The following GALNT16 variants were observed in gnomAD, a reference collection of about 807,000 sequenced individuals.
GALNT16 encodes the protein polypeptide N-acetylgalactosaminyltransferase 16, also known as UDP-GalNAc:polypeptide N-acetylgalactosaminyltransferase-like protein 1.
A neutral mutation model predicts 76.1 loss-of-function variants in GALNT16; 40 were observed. That is an observed-to-expected ratio of 0.53 (90% CI 0.41 to 0.68). GALNT16 has a LOEUF of 0.68. Ranked by LOEUF, GALNT16 falls within the 30% of genes least tolerant of loss-of-function variation. The pLI, the probability that GALNT16 is intolerant of heterozygous loss-of-function variation, is 0.00. For missense variants in GALNT16, 621 were observed against 731.9 expected (o/e 0.85, Z 1.75); for synonymous variants, 276 against 285.2 (o/e 0.97, Z 0.32).
At chr14:69,269,208 C>T (rs560862176) in intron 1 of GALNT16, among the ~76,000 whole-genome samples, 2 of 152,020 alleles carry the variant, frequency 1.3e-5, no homozygotes, top group East Asian at 1.9e-4. Flanking sequence ...AGTGTAGGTT[C>T]GTTGGAAAAT....
chr14:69,346,919 C>T (rs945639237), intron 12 of GALNT16, 121 bp from the exon 13 acceptor site: 23 of 1,199,802 alleles, frequency 1.9e-5, no homozygotes, highest in South Asian at 2.6e-5. Context: ...AGGCTGCTCC[C>T]GGGCCCCTTC....
downstream of GALNT16, chr14:69,357,542 G>C (rs2045701775): frequency 6.6e-6 from 1 of 152,208 alleles, no homozygotes; most frequent in South Asian, 2.1e-4. Flanking sequence ...TCCAGGGCTC[G>C]GTATTCTTCC....
At chr14:69,325,793 A>G (rs1382254874) in intron 4 of GALNT16, among the ~76,000 whole-genome samples, 169 bp from the exon 5 acceptor site, 1 of 152,138 alleles carries the variant, frequency 6.6e-6, no homozygotes, top group African/African-American at 2.4e-5. Flanking sequence ...GTCTGGCCTG[A>G]GAGTGGGGCA....
intron 12 of GALNT16, among the ~76,000 whole-genome samples, chr14:69,343,552 T>A (rs1034704305): frequency 6.6e-6 from 1 of 152,246 alleles, no homozygotes; most frequent in African/African-American, 2.4e-5. Context: ...CATTAATTTA[T>A]GAAAATGCAA....
At chr14:69,350,811 A>G (rs1193858111) in intron 14 of GALNT16, 1 of 152,324 alleles carries the variant, frequency 6.6e-6, no homozygotes, top group Non-Finnish European at 1.5e-5. Flanking sequence ...AAGATGGAAG[A>G]GGGGAGGTGG....
chr14:69,307,295 T>A (rs1054017557), intron 1 of GALNT16, among the ~76,000 whole-genome samples: 15 of 152,226 alleles, frequency 9.9e-5, no homozygotes, highest in African/African-American at 3.1e-4. Context: ...GAGCAGCTAC[T>A]GTGTGCCAAG....
At chr14:69,301,022 G>A (rs577233965) in intron 1 of GALNT16, among the ~76,000 whole-genome samples, 54 of 152,320 alleles carry the variant, frequency 3.5e-4, no homozygotes, top group African/African-American at 1.3e-3. Flanking sequence ...GGAGTGCTGA[G>A]CTAATTCTAT....
At chr14:69,298,418 C>T (rs2044798174) in intron 1 of GALNT16, 1 of 152,384 alleles carries the variant, frequency 6.6e-6, no homozygotes, top group African/African-American at 2.4e-5. Flanking sequence ...GTGGGAACCC[C>T]TCTGGCGGGA....
chr14:69,324,451 C>T (rs1311428706), intron 2 of GALNT16, among the ~76,000 whole-genome samples: 1 of 152,058 alleles, frequency 6.6e-6, no homozygotes, highest in East Asian at 1.9e-4. Context: ...AGCCCCCAGG[C>T]CTTGGAAGGT....
Position 69,333,036 on chromosome 14 carries a change from G to A in GALNT16, c.779-49G>A, listed in dbSNP as rs1428654925. On this transcript the variant is annotated intron_variant, in intron 7 of 14. Transcript: ENST00000448469. The surrounding 1 kb of genome is among the most constrained non-coding windows in gnomAD (Gnocchi z 4.2). ...GGTGGTGGAGTGAAGGGTCTCAGCAGCCCGCAGCTCTGCCCTGAGCTCTGT... is the reference window on the plus strand; with the variant it reads ...GGTGGTGGAGTGAAGGGTCTCAGCAACCCGCAGCTCTGCCCTGAGCTCTGT... 2 of 1,342,524 alleles carry A rather than the reference G, an allele frequency of 1.5e-6. No individual in the cohort carries two copies. Among genetic ancestry groups the A allele is most frequent in the South Asian group, 2.3e-5 (2 of 85,692 alleles). The allele number at this position is 1,342,524 out of a possible 1,614,324, so 83.2% of individuals were successfully genotyped here.
chr14:69,375,470 G>A, the GALNT16 span, among the ~76,000 whole-genome samples: 1 of 152,008 alleles, frequency 6.6e-6, no homozygotes, highest in African/African-American at 2.4e-5. Flanking sequence ...TTTGTTCTGG[G>A]GTCCTGGCAC....
intron 11 of GALNT16, among the ~76,000 whole-genome samples, chr14:69,340,969 C>T (rs2140190955): frequency 6.6e-6 from 1 of 152,322 alleles, no homozygotes; most frequent in Non-Finnish European, 1.5e-5. Context: ...AATGAATCTT[C>T]TCCCTATTTA....
At chr14:69,367,951 A>G in the GALNT16 span, among the ~76,000 whole-genome samples, 3 of 152,192 alleles carry the variant, frequency 2.0e-5, no homozygotes, top group Non-Finnish European at 4.4e-5. Flanking sequence ...TGATTGTGCC[A>G]CTGCACTCCA....
At chr14:69,288,879 GTCT>G (rs981004467) in intron 1 of GALNT16, among the ~76,000 whole-genome samples, 24 of 152,064 alleles carry the variant, frequency 1.6e-4, no homozygotes, top group Admixed American at 3.3e-4. Context: ...GTGGATAGAA[GTCT>G]TCTTTTTTTT....
intron 1 of GALNT16, among the ~76,000 whole-genome samples, chr14:69,291,307 A>C (rs569832622): frequency 6.6e-6 from 1 of 152,180 alleles, no homozygotes; most frequent in South Asian, 2.1e-4. Context: ...AAATAAAGTA[A>C]AATAAAATTT....
At chr14:69,337,347 A>G (rs1168162799) in intron 9 of GALNT16, among the ~76,000 whole-genome samples, 1 of 152,234 alleles carries the variant, frequency 6.6e-6, no homozygotes, top group Admixed American at 6.5e-5. Context: ...TGAGAATTAG[A>G]TATTGGATAG....
chr14:69,317,623 A>C (rs2045120743), intron 1 of GALNT16, among the ~76,000 whole-genome samples: 1 of 152,246 alleles, frequency 6.6e-6, no homozygotes, highest in Admixed American at 6.5e-5. Flanking sequence ...ATGAATACAC[A>C]GGGCAGACAT....
intron 9 of GALNT16, among the ~76,000 whole-genome samples, chr14:69,338,392 A>G (rs2045440428): frequency 6.6e-6 from 1 of 152,148 alleles, no homozygotes; most frequent in African/African-American, 2.4e-5. Context: ...TGTTCCTTCA[A>G]GCTTTTTCCA....
rs539902696 is a variant in GALNT16 at position 69,274,220 on chromosome 14, C to G, written c.177+13753C>G. Among the ~76,000 whole-genome samples the G allele has an allele frequency of 1.8e-3, 275 of 152,154 alleles. 1 individual carries two copies. Among genetic ancestry groups the G allele is most frequent in the Non-Finnish European group, 2.3e-3 (155 of 67,938 alleles). ...CAAGAGTTTAGAATTCTGCCTAACT[C>G]GTAGTAAATGCTATACAAGCATTAG... On this transcript the variant is annotated intron_variant, in intron 1 of 14. Transcript: ENST00000448469.
Sources: allele counts gnomAD v4.1 joint callset (sites outside exome capture counted in the v4.1 genomes callset), GRCh38; gene constraint gnomAD v4.1.1; non-coding constraint Gnocchi (gnomAD v3.1); transcripts MANE v1.5; gene names NCBI Gene and HGNC (gene_info 2026-07-23, HGNC 2026-07-21).